The following INPP5E variants were observed in gnomAD, a reference collection of about 807,000 sequenced individuals.
INPP5E encodes the protein phosphatidylinositol polyphosphate 5-phosphatase type IV.
Under a neutral mutation model 50.5 loss-of-function variants are expected in INPP5E, and 34 were observed. That is an observed-to-expected ratio of 0.67 (90% CI 0.51 to 0.90). The LOEUF is 0.90. Among genes scored for constraint, INPP5E ranks in the 40% least tolerant of loss-of-function variants. The probability of loss-of-function intolerance (pLI) is 0.00; values close to 1 mark genes in which losing one functional copy is unlikely to be tolerated. For synonymous variants in INPP5E, 447 were observed against 406.0 expected (o/e 1.10, Z -1.21); for missense variants, 942 against 905.5 (o/e 1.04, Z -0.52).
At position 136,438,669 on chromosome 9, in the gene INPP5E, G is replaced by A. The variant is rs2131617518; in HGVS notation, c.751C>T (p.Arg251Cys). 1.3e-6 allele frequency: 2 copies of A among 1,591,864 alleles called. No individual in the cohort carries two copies. The highest frequency in any genetic ancestry group is 1.1e-5 in the South Asian group (1 of 88,732). The change falls in exon 1 of 10, where the codon CGC becomes TGC. Residue 251 changes from arginine (R) to cysteine (C), a missense_variant. Transcript: ENST00000371712. ...SPLACDDCSL[R>C]SAKSSFSLLA... ...AGGCTGAAGGAGGATTTGGCCGAGC[G>A]AAGGGAACAGTCGTCGCAGGCCAGG...
chr9:136,439,365 C>T lies in INPP5E; in HGVS notation c.55G>A (p.Glu19Lys). The T allele has an allele frequency of 1.4e-6, 2 of 1,453,088 alleles. No homozygotes were observed. The highest frequency in any genetic ancestry group is 2.9e-5 in the East Asian group (1 of 34,044). The allele number at this position is 1,453,088 out of a possible 1,614,324, so 90.0% of individuals were successfully genotyped here. A position where few individuals can be genotyped will look rare whatever the true frequency, so the allele number is the denominator to read the frequency against. Residue 19 changes from glutamate (E) to lysine (K), a missense_variant, in exon 1 of 10, where the codon GAA becomes AAA. Physicochemically the swap from Glu to Lys is moderately conservative, Grantham distance 56. Coordinates refer to ENST00000371712, the MANE Select transcript of INPP5E (RefSeq NM_019892.6). ...AGCTGTCCTTGGAGCGTCCTCCCTT[C>T]CGGCGGCTGCGGGGCCGGCTCGGAG... Reference protein sequence around the residue: ...RPSEPAPQPPEGRTLQGQLPG... With the variant: ...RPSEPAPQPPKGRTLQGQLPG...
At position 136,429,514 on chromosome 9, in the gene INPP5E, G is replaced by T. The variant is rs1001407812; in HGVS notation, c.*161C>A. ...CGTGTGGACCTGCCACAGAGGACAG[G>T]CTCGCTCAGGGTTGGCTTCCTTCCT... On this transcript the variant is annotated 3_prime_UTR_variant, in exon 10 of 10. Coordinates refer to ENST00000371712, the MANE Select transcript of INPP5E (RefSeq NM_019892.6). 1 of 919,024 alleles carries T rather than the reference G, an allele frequency of 1.1e-6. No homozygotes were observed. Among genetic ancestry groups the T allele is most frequent in the Admixed American group, 1.7e-5 (1 of 58,324 alleles). 56.9% of individuals were successfully genotyped at this position (919,024 alleles called of 1,614,324 possible). A position where few individuals can be genotyped will look rare whatever the true frequency, so the allele number is the denominator to read the frequency against.
Position 136,431,121 on chromosome 9 carries a change from C to T in INPP5E, c.1550-4G>A. ...TGGAAGCCCTTGAAGATGGACCCTG[C>T]CACAGGATGGGCACTCGGACTGGCT... On this transcript the variant is annotated splice_region_variant and splice_polypyrimidine_tract_variant and intron_variant, in intron 7 of 9. Coordinates refer to ENST00000371712, the MANE Select transcript of INPP5E (RefSeq NM_019892.6). 2 of 1,600,172 alleles carry T rather than the reference C, an allele frequency of 1.2e-6. No individual in the cohort carries two copies. The highest frequency in any genetic ancestry group is 1.7e-6 in the Non-Finnish European group (2 of 1,168,400).
chr9:136,429,910 G>A (rs1835659283), intron 9 of INPP5E, 103 bp from the exon 10 acceptor site: 2 of 857,780 alleles, frequency 2.3e-6, no homozygotes, highest in Non-Finnish European at 3.8e-6. Flanking sequence ...AGGACACCCA[G>A]GGCCAGGATG....
rs1452216040 is a variant in INPP5E at position 136,433,087 on chromosome 9, G to T, written c.1160-12C>A. On this transcript the variant is annotated splice_polypyrimidine_tract_variant and intron_variant, in intron 4 of 9. Transcript: ENST00000371712. The stretch of plus-strand genomic sequence containing the variant: ...GGAGCACTCCACCTCTGTGGGAGGG[G>T]CAGCCCTCAGCTCACCTGTGGGACG... 1 of 1,608,302 alleles carries T rather than the reference G, an allele frequency of 6.2e-7. No individual in the cohort carries two copies. Among genetic ancestry groups the T allele is most frequent in the Non-Finnish European group, 8.5e-7 (1 of 1,179,308 alleles).
chr9:136,438,933 CAG>C lies in INPP5E; in HGVS notation c.485_486del (p.Ser162TrpfsTer127). On this transcript the variant is annotated frameshift_variant, in exon 1 of 10. Coordinates refer to ENST00000371712, the MANE Select transcript of INPP5E (RefSeq NM_019892.6). LOFTEE classifies it high-confidence loss of function. ...GSPSSGGNPL[S>X]GVASSSPNLP... ...AGGTTCGGGGAGCTGCTGGCCACCC[CAG>C]AGAGAGGGTTACCCCCCGAGGACGG... 6.4e-7 allele frequency: 1 copy of C among 1,570,296 alleles called. No homozygotes were observed. Among genetic ancestry groups the C allele is most frequent in the Non-Finnish European group, 8.6e-7 (1 of 1,158,190 alleles).
chr9:136,430,624 C>A (rs894828958), intron 8 of INPP5E, among the ~76,000 whole-genome samples: 1 of 152,234 alleles, frequency 6.6e-6, no homozygotes, highest in African/African-American at 2.4e-5. Flanking sequence ...ACAGCGGCTG[C>A]TCCTACCCTG....
intron 8 of INPP5E, 78 bp from the exon 9 acceptor site, chr9:136,430,491 G>T: frequency 6.6e-7 from 1 of 1,509,210 alleles, no homozygotes; most frequent in Non-Finnish European, 9.0e-7. Context: ...CCTCCCTGCT[G>T]TTCTCAAGCG....
intron 1 of INPP5E, chr9:136,437,800 C>T (rs1588837786): frequency 6.6e-6 from 1 of 152,630 alleles, no homozygotes; most frequent in African/African-American, 2.4e-5. Flanking sequence ...GTGCAGGTGA[C>T]TCTGCCAAGT....
At chr9:136,433,346 T>C (rs1451255032) in intron 3 of INPP5E, 67 bp from the exon 4 acceptor site, 1 of 1,517,042 alleles carries the variant, frequency 6.6e-7, no homozygotes, top group African/African-American at 1.4e-5. Flanking sequence ...CCAGACCTGC[T>C]GCCCAGAGCC....
At chr9:136,432,626 G>T in intron 5 of INPP5E, 40 bp from the exon 6 acceptor site, 3 of 1,325,014 alleles carry the variant, frequency 2.3e-6, no homozygotes, top group Non-Finnish European at 1.1e-6. Context: ...CAGGGTTCCG[G>T]ATGCTCGAGT....
Position 136,438,705 on chromosome 9 carries a change from G to A in INPP5E, c.715C>T (p.Pro239Ser). The change falls in exon 1 of 10, where the codon CCG becomes TCG. Residue 239 changes from proline to serine, a missense_variant. Physicochemically the swap from Pro to Ser is moderately conservative, Grantham distance 74. Coordinates refer to ENST00000371712, the MANE Select transcript of INPP5E (RefSeq NM_019892.6). ...RAHSSLGPGRPRSPLACDDCS... is the reference protein window; with the variant it reads ...RAHSSLGPGRSRSPLACDDCS... ...TCGTCGCAGGCCAGGGGGCTCCGCG[G>A]CCGGCCGGGGCCCAGGCTGCTGTGG... 1 of 1,603,532 alleles carries A rather than the reference G, an allele frequency of 6.2e-7. No individual in the cohort carries two copies. Among genetic ancestry groups the A allele is most frequent in the South Asian group, 1.1e-5 (1 of 90,112 alleles).
intron 8 of INPP5E, 75 bp from the exon 9 acceptor site, chr9:136,430,488 G>A: frequency 1.3e-6 from 2 of 1,523,408 alleles, no homozygotes; most frequent in Non-Finnish European, 1.8e-6. Flanking sequence ...TCACCTCCCT[G>A]CTGTTCTCAA....
In INPP5E at chr9:136,429,364, G is replaced by A. The variant is rs1420872990; in HGVS notation, c.*311C>T. On this transcript the variant is annotated 3_prime_UTR_variant, in exon 10 of 10. Coordinates refer to ENST00000371712, the MANE Select transcript of INPP5E (RefSeq NM_019892.6). ...CAGGGCACAGGAGCTGCTCAGGAAC[G>A]GATTCTGACGTCTGCCCCCGAGAGT... is the stretch of plus-strand genomic sequence containing the variant. 1.9e-5 allele frequency: 9 copies of A among 475,326 alleles called. No homozygotes were observed. Among genetic ancestry groups the A allele is most frequent in the Admixed American group, 1.0e-4 (3 of 30,074 alleles). The allele number at this position is 475,326 out of a possible 1,614,324, so 29.4% of individuals were successfully genotyped here.
In INPP5E at chr9:136,432,581, C is replaced by T. The variant is rs1473151563; in HGVS notation, c.1285G>A (p.Asp429Asn). Residue 429 changes from aspartate to asparagine, a missense_variant, in exon 6 of 10, where the codon GAC becomes AAC. Transcript: ENST00000371712. ...AGCAGCCGCTCCGCCACCTTCCCGTCACCTGCTGTGGGAACAGAAATGGGG... is the reference window on the plus strand; with the variant it reads ...AGCAGCCGCTCCGCCACCTTCCCGTTACCTGCTGTGGGAACAGAAATGGGG... ...LFITSHFTSGDGKVAERLLDY... is the reference protein window; with the variant it reads ...LFITSHFTSGNGKVAERLLDY... 1.3e-6 allele frequency: 2 copies of T among 1,544,726 alleles called. No individual in the cohort carries two copies. The highest frequency in any genetic ancestry group is 1.8e-6 in the Non-Finnish European group (2 of 1,142,316).
intron 8 of INPP5E, 147 bp from the exon 9 acceptor site, chr9:136,430,560 G>A (rs1238211210): frequency 6.6e-5 from 67 of 1,008,022 alleles, no homozygotes; most frequent in African/African-American, 3.2e-5. Context: ...GTTGCCTGGC[G>A]TCTGTGGCCA....
rs752907539 is a variant in INPP5E at position 136,429,626 on chromosome 9, T to G, written c.*49A>C. 2.5e-6 allele frequency: 4 copies of G among 1,609,000 alleles called. No homozygotes were observed. The African/African-American group carries it at 4.0e-5, about 16-fold the overall frequency. On this transcript the variant is annotated 3_prime_UTR_variant, in exon 10 of 10. Coordinates refer to ENST00000371712, the MANE Select transcript of INPP5E (RefSeq NM_019892.6). ...CTTTGTCCTTCCCAGTGGGTTTTGATCAATACAATCACCCCACGTTGCAGC... is the reference window on the plus strand; with the variant it reads ...CTTTGTCCTTCCCAGTGGGTTTTGAGCAATACAATCACCCCACGTTGCAGC...
Position 136,438,732 on chromosome 9 carries a change from C to G in INPP5E, c.688G>C (p.Ala230Pro). The change falls in exon 1 of 10, where the codon GCC becomes CCC. Residue 230 changes from alanine (A) to proline (P), a missense_variant. By Grantham distance (27) the Ala-to-Pro change is conservative. Coordinates refer to ENST00000371712, the MANE Select transcript of INPP5E (RefSeq NM_019892.6). ...CGGCCGGGGCCCAGGCTGCTGTGGG[C>G]CCGCACCAGGAGCGGCTGCGCGCGG... Reference protein sequence around the residue: ...KLRAQPLLVRAHSSLGPGRPR... With the variant: ...KLRAQPLLVRPHSSLGPGRPR... 1 of 1,610,428 alleles carries G rather than the reference C, an allele frequency of 6.2e-7. No individual in the cohort carries two copies. The highest frequency in any genetic ancestry group is 1.1e-5 in the South Asian group (1 of 90,868).
chr9:136,439,456 C>CT lies in INPP5E; in HGVS notation c.-38_-37insA. 7.1e-7 allele frequency: 1 copy of CT among 1,405,920 alleles called. No individual in the cohort carries two copies. 87.1% of individuals were successfully genotyped at this position (1,405,920 alleles called of 1,614,324 possible). A position where few individuals can be genotyped will look rare whatever the true frequency, so the allele number is the denominator to read the frequency against. ...CCCGGGGCAGGCCTCGGCGCGAGGC[C>CT]GCAGGCAGCGCGAGGGGTCACGGGT... On this transcript the variant is annotated 5_prime_UTR_variant, in exon 1 of 10. Coordinates refer to ENST00000371712, the MANE Select transcript of INPP5E (RefSeq NM_019892.6).
Sources: gnomAD v4.1 joint callset for allele counts (sites outside exome capture counted in the v4.1 genomes callset) on GRCh38, gnomAD v4.1.1 for gene constraint, MANE v1.5 for transcripts, NCBI Gene and HGNC (gene_info 2026-07-23, HGNC 2026-07-21) for gene names.